Variants in DHRS12 observed in about 807,000 individuals in gnomAD.
The protein encoded by DHRS12 is dehydrogenase/reductase 12, also known as dehydrogenase/reductase SDR family member 12.
Under a neutral mutation model 32.1 loss-of-function variants are expected in DHRS12, and 29 were observed. The ratio of observed to expected loss-of-function variants is 0.90; its 90% CI spans 0.67 to 1.23. DHRS12 has a LOEUF of 1.23. Among genes scored for constraint, DHRS12 ranks in the 50% most tolerant of loss-of-function variants. The pLI is 0.00. For synonymous variants in DHRS12, 150 were observed against 135.9 expected (o/e 1.10, Z -0.72); for missense variants, 330 against 337.2 (o/e 0.98, Z 0.17).
intron 1 of DHRS12, chr13:51,803,762 T>A (rs1271558861): frequency 2.9e-5 from 8 of 278,964 alleles, no homozygotes; most frequent in Non-Finnish European, 4.6e-5. Context: ...AGAGGCTCCT[T>A]GGCGCCGGGG....
At chr13:51,777,667 G>C (rs754482312) in intron 4 of DHRS12, among the ~76,000 whole-genome samples, 1 of 152,190 alleles carries the variant, frequency 6.6e-6, no homozygotes. Context: ...ATGTGACATG[G>C]AAAGACATTC....
At chr13:51,794,014 A>C (rs1160053748) in intron 2 of DHRS12, among the ~76,000 whole-genome samples, 2 of 152,258 alleles carry the variant, frequency 1.3e-5, no homozygotes, top group African/African-American at 4.8e-5. Flanking sequence ...ATGAAGCACC[A>C]AGAAAAGAGG....
At chr13:51,769,589 T>C (rs1953920258) in intron 7 of DHRS12, among the ~76,000 whole-genome samples, 1 of 151,934 alleles carries the variant, frequency 6.6e-6, no homozygotes, top group East Asian at 1.9e-4. Context: ...CGCAGAGCCC[T>C]CCCTTTCCAT....
At chr13:51,791,080 G>T in intron 3 of DHRS12, 85 bp downstream of exon 3, 1 of 888,498 alleles carries the variant, frequency 1.1e-6, no homozygotes, top group Non-Finnish European at 1.7e-6. Context: ...ATAAAGACAG[G>T]CAAACATACA....
At chr13:51,786,298 C>T (rs914153563) in intron 4 of DHRS12, among the ~76,000 whole-genome samples, 4 of 152,320 alleles carry the variant, frequency 2.6e-5, no homozygotes, top group Non-Finnish European at 5.9e-5. Flanking sequence ...GGCTAAGATG[C>T]GGGTGAGAGT....
At chr13:51,791,312 A>G in intron 2 of DHRS12, 55 bp from the exon 3 acceptor site, 1 of 1,043,230 alleles carries the variant, frequency 9.6e-7, no homozygotes, top group East Asian at 2.8e-5. Context: ...ATAAACTAGC[A>G]CTTTTAATTT....
intron 2 of DHRS12, among the ~76,000 whole-genome samples, chr13:51,795,790 TAA>T (rs1308078319): frequency 1.3e-5 from 2 of 152,188 alleles, no homozygotes; most frequent in Non-Finnish European, 2.9e-5. Flanking sequence ...CTTCCTCTAG[TAA>T]CTGCCATTGG....
At chr13:51,803,649 G>C (rs1955856419) in intron 1 of DHRS12, 1 of 160,680 alleles carries the variant, frequency 6.2e-6, no homozygotes, top group Non-Finnish European at 1.4e-5. Flanking sequence ...CACTAGGACA[G>C]AGCCTTAGCT....
chr13:51,776,861 G>C (rs1287219421), intron 5 of DHRS12, among the ~76,000 whole-genome samples, 199 bp downstream of exon 5: 1 of 152,114 alleles, frequency 6.6e-6, no homozygotes, highest in Admixed American at 6.5e-5. Context: ...GGGTTGGGGG[G>C]GTTCAGAGAG....
chr13:51,760,826 C>G, the DHRS12 span: 1 of 152,414 alleles, frequency 6.6e-6, no homozygotes. Context: ...CACCGCTGAT[C>G]TGATGGGAGG....
intron 7 of DHRS12, chr13:51,770,862 C>A (rs1323990289): frequency 9.0e-7 from 1 of 1,111,362 alleles, no homozygotes; most frequent in South Asian, 2.8e-5. Context: ...GTCTTCAGCC[C>A]TGAACAGATT....
chr13:51,755,475 G>A, the DHRS12 span: 6 of 1,606,524 alleles, frequency 3.7e-6, no homozygotes, highest in Non-Finnish European at 4.3e-6. Flanking sequence ...TGATATGGAT[G>A]CTTCATCAAA....
At chr13:51,783,047 C>T (rs763751081) in intron 4 of DHRS12, among the ~76,000 whole-genome samples, 5 of 151,980 alleles carry the variant, frequency 3.3e-5, no homozygotes, top group South Asian at 2.1e-4. Flanking sequence ...GTGCACGGCG[C>T]GGCCCAGGAG....
At chr13:51,778,940 T>A (rs1954573751) in intron 4 of DHRS12, among the ~76,000 whole-genome samples, 1 of 151,894 alleles carries the variant, frequency 6.6e-6, no homozygotes, top group South Asian at 2.1e-4. Context: ...TGTCTGTGTA[T>A]ATATATATAT....
At chr13:51,773,698 GAGA>G (rs1566277776) in intron 6 of DHRS12, among the ~76,000 whole-genome samples, 6 of 152,076 alleles carry the variant, frequency 3.9e-5, no homozygotes, top group Non-Finnish European at 8.8e-5. Context: ...GAGAAACACC[GAGA>G]GGAGACGCAG....
At chr13:51,787,018 CCT>C (rs924067649) in intron 4 of DHRS12, among the ~76,000 whole-genome samples, 1 of 152,162 alleles carries the variant, frequency 6.6e-6, no homozygotes, top group African/African-American at 2.4e-5. Context: ...CTCTGTATCT[CCT>C]TCTCTCTCAA....
At chr13:51,769,760 G>T (rs1257574337) in intron 7 of DHRS12, among the ~76,000 whole-genome samples, 1 of 152,206 alleles carries the variant, frequency 6.6e-6, no homozygotes, top group Admixed American at 6.5e-5. Context: ...TTTTAGGGAG[G>T]AGTAGATAAG....
chr13:51,787,358 CA>C (rs1955005812), intron 4 of DHRS12, among the ~76,000 whole-genome samples: 2 of 152,108 alleles, frequency 1.3e-5, no homozygotes, highest in South Asian at 2.1e-4. Context: ...TTTCATCTTC[CA>C]AAACCTTTAA....
chr13:51,774,230 T>G (rs1954204856), intron 5 of DHRS12, 196 bp from the exon 6 acceptor site: 2 of 525,474 alleles, frequency 3.8e-6, no homozygotes, highest in Non-Finnish European at 6.7e-6. Context: ...ACAGTACATG[T>G]ATTCTCCTAC....
Sources: allele counts gnomAD v4.1 joint callset (sites outside exome capture counted in the v4.1 genomes callset), GRCh38; gene constraint gnomAD v4.1.1; transcripts MANE v1.5; gene names NCBI Gene and HGNC (gene_info 2026-07-23, HGNC 2026-07-21).